Variants in RGS6 observed in about 807,000 individuals in gnomAD.
The protein encoded by RGS6 is regulator of G-protein signaling 6.
Under a neutral mutation model 78.5 loss-of-function variants are expected in RGS6, and 30 were observed. The ratio of observed to expected loss-of-function variants is 0.38; its 90% confidence interval spans 0.29 to 0.52. RGS6 has a LOEUF of 0.52. Ranked by LOEUF, RGS6 falls within the 20% of genes least tolerant of loss-of-function variation. RGS6 has a pLI of 0.85. For missense variants in RGS6, 495 were observed against 609.7 expected, an observed-to-expected ratio of 0.81 and a Z score of 1.98; for synonymous variants, 206 against 206.0, an observed-to-expected ratio of 1.00 and a Z score of 0.00.
intron 1 of RGS6, among the ~76,000 whole-genome samples, chr14:71,938,341 TC>T (rs1253493178): frequency 1.3e-5 from 2 of 152,220 alleles, no homozygotes; most frequent in Non-Finnish European, 2.9e-5. Flanking sequence ...TTGGGCCATT[TC>T]TCCTTCCATG....
At chr14:72,473,540 A>T (rs2096150330) in intron 9 of RGS6, among the ~76,000 whole-genome samples, 1 of 152,244 alleles carries the variant, frequency 6.6e-6, no homozygotes, top group African/African-American at 2.4e-5. Context: ...CCGAAGGTTT[A>T]CATTCCCCAA....
intron 2 of RGS6, among the ~76,000 whole-genome samples, chr14:72,241,926 T>C (rs906317366): frequency 1.3e-5 from 2 of 152,238 alleles, no homozygotes; most frequent in African/African-American, 4.8e-5. Context: ...ATTATAATAA[T>C]ATTAACTTGC....
the RGS6 span, among the ~76,000 whole-genome samples, chr14:72,597,161 C>A: frequency 2.0e-5 from 3 of 151,852 alleles, no homozygotes; most frequent in Admixed American, 6.6e-5. Flanking sequence ...ATCACTTGAA[C>A]CCAGGAGGTG....
chr14:72,545,839 C>G (rs1024598811), intron 17 of RGS6, among the ~76,000 whole-genome samples: 3 of 152,186 alleles, frequency 2.0e-5, no homozygotes, highest in African/African-American at 7.2e-5. Context: ...TCACAGAGAA[C>G]AGGGTGAGTG....
chr14:71,972,198 A>C lies in RGS6; in HGVS notation c.84+7323A>C, dbSNP rs534646956. ...TTATCCCATCCCTTTTGATAGTAAG[A>C]AGTCACTAGGTCCACCCCTCACTCA... On this transcript the variant is annotated intron_variant, in intron 2 of 17. Transcript: ENST00000553525. Among the ~76,000 whole-genome samples, 61 of 152,064 alleles carry C rather than the reference A, an allele frequency of 4.0e-4. 1 individual carries two copies. Among genetic ancestry groups the C allele is most frequent in the African/African-American group, 1.4e-3 (59 of 41,484 alleles).
chr14:72,091,350 A>T (rs2153501807), intron 2 of RGS6, among the ~76,000 whole-genome samples: 1 of 152,304 alleles, frequency 6.6e-6, no homozygotes, highest in South Asian at 2.1e-4. Context: ...CCTCACGTGA[A>T]GAGAGCATTA....
chr14:72,001,438 T>C (rs1373967955), intron 2 of RGS6, among the ~76,000 whole-genome samples: 9 of 151,448 alleles, frequency 5.9e-5, no homozygotes, highest in African/African-American at 1.9e-4. Flanking sequence ...CTGAGTATTT[T>C]ATATCAATGC....
chr14:71,912,918 C>T, the RGS6 span, among the ~76,000 whole-genome samples: 21 of 152,114 alleles, frequency 1.4e-4, no homozygotes, highest in South Asian at 3.1e-3. Context: ...CTCTGACTCC[C>T]GGGTTCATGC....
chr14:72,205,957 T>C (rs1417247271), intron 2 of RGS6, among the ~76,000 whole-genome samples: 1 of 152,252 alleles, frequency 6.6e-6, no homozygotes, highest in African/African-American at 2.4e-5. Context: ...AATTTTGTAC[T>C]ATTTATCAGA....
chr14:72,552,755 G>A (rs1190363804), intron 17 of RGS6: 6 of 152,142 alleles, frequency 3.9e-5, no homozygotes, highest in East Asian at 1.9e-4. Context: ...TTGATAAACC[G>A]GACCCCTGGG....
At chr14:72,035,639 A>C (rs905974243) in intron 2 of RGS6, among the ~76,000 whole-genome samples, 3 of 152,158 alleles carry the variant, frequency 2.0e-5, no homozygotes, top group Non-Finnish European at 1.5e-5. Flanking sequence ...GCTGCATCCT[A>C]TATGTTTTGC....
At position 72,349,094 on chromosome 14, in the gene RGS6, G is replaced by A. The variant is rs2078628389; in HGVS notation, c.85-3001G>A. On this transcript the variant is annotated intron_variant, in intron 2 of 17. Coordinates refer to ENST00000553525, the MANE Select transcript of RGS6 (RefSeq NM_001204424.2). ...AGGCAGGAGAGTGGCATGAACCTGG[G>A]AGGTAGAGCTTGCAGTGAGCCTAGA... 1.3e-5 allele frequency among the ~76,000 whole-genome samples: 2 copies of A among 152,312 alleles called. 1 individual carries two copies. The highest frequency in any genetic ancestry group is 4.2e-4 in the South Asian group (2 of 4,812).
chr14:72,166,345 AT>A (rs1358872928), intron 2 of RGS6, among the ~76,000 whole-genome samples: 2 of 152,198 alleles, frequency 1.3e-5, no homozygotes, highest in African/African-American at 4.8e-5. Flanking sequence ...TTATGTAATT[AT>A]TTTTCCAAAA....
At chr14:72,233,879 C>A (rs559145341) in intron 2 of RGS6, among the ~76,000 whole-genome samples, 4 of 152,214 alleles carry the variant, frequency 2.6e-5, no homozygotes, top group African/African-American at 9.6e-5. Flanking sequence ...GGCTTCAAGA[C>A]CTTGGCTGTT....
intron 1 of RGS6, among the ~76,000 whole-genome samples, chr14:71,940,440 G>T (rs2090339486): frequency 6.6e-6 from 1 of 152,162 alleles, no homozygotes; most frequent in Non-Finnish European, 1.5e-5. Context: ...TTAGTCTTTT[G>T]TCCATTCAAC....
At chr14:72,606,604 C>T in the RGS6 span, among the ~76,000 whole-genome samples, 15 of 152,208 alleles carry the variant, frequency 9.9e-5, no homozygotes, top group Non-Finnish European at 1.9e-4. Context: ...AGAGGAAGGC[C>T]GTTCTGCTCT....
chr14:72,283,847 GT>G (rs2062007800), intron 2 of RGS6, among the ~76,000 whole-genome samples: 1 of 152,230 alleles, frequency 6.6e-6, no homozygotes, highest in Non-Finnish European at 1.5e-5. Context: ...ATGTGGGAAA[GT>G]TTGGAACTTC....
At chr14:72,404,161 A>G (rs2092713439) in intron 3 of RGS6, among the ~76,000 whole-genome samples, 1 of 152,164 alleles carries the variant, frequency 6.6e-6, no homozygotes, top group South Asian at 2.1e-4. Context: ...CTCCTATTCA[A>G]GTTTCTATGA....
intron 2 of RGS6, among the ~76,000 whole-genome samples, chr14:72,159,366 C>T (rs555326625): frequency 4.0e-4 from 61 of 152,106 alleles, no homozygotes; most frequent in Non-Finnish European, 7.6e-4. Flanking sequence ...TGAGGGTAGG[C>T]GCTCCAAAGA....
Sources: allele counts gnomAD v4.1 joint callset (sites outside exome capture counted in the v4.1 genomes callset), GRCh38; gene constraint gnomAD v4.1.1; transcripts MANE v1.5; gene names NCBI Gene and HGNC (gene_info 2026-07-23, HGNC 2026-07-21).